CACNA2D1: variants seen among roughly 807,000 people sequenced by gnomAD.
CACNA2D1 encodes the protein calcium voltage-gated channel auxiliary subunit alpha2delta 1.
A neutral mutation model predicts 171.5 loss-of-function variants in CACNA2D1; 53 were observed. The ratio of observed to expected loss-of-function variants is 0.31; its 90% CI spans 0.25 to 0.39. The LOEUF is 0.39. Ranked by LOEUF, CACNA2D1 falls within the 10% of genes least tolerant of loss-of-function variation. The pLI is 1.00. For synonymous variants in CACNA2D1, 442 were observed against 443.1 expected, an observed-to-expected ratio of 1.00 and a Z score of 0.03; for missense variants, 903 against 1,299.8, an observed-to-expected ratio of 0.69 and a Z score of 4.69.
chr7:82,403,881 A>G (rs1026812989), intron 1 of CACNA2D1, among the ~76,000 whole-genome samples: 8 of 152,240 alleles, frequency 5.3e-5, no homozygotes, highest in Admixed American at 2.0e-4. Flanking sequence ...ATTTTTCTAC[A>G]ATGGACAAAC....
intron 3 of CACNA2D1, among the ~76,000 whole-genome samples, chr7:82,299,159 C>T (rs905636608): frequency 1.1e-4 from 16 of 150,908 alleles, no homozygotes; most frequent in African/African-American, 3.9e-4. Flanking sequence ...ATCATACAAA[C>T]ATGTTGTTAA....
At chr7:82,349,984 T>C (rs1819666964) in intron 1 of CACNA2D1, among the ~76,000 whole-genome samples, 1 of 152,198 alleles carries the variant, frequency 6.6e-6, no homozygotes, top group African/African-American at 2.4e-5. Flanking sequence ...AACTTTATCT[T>C]TTAGCTTACA....
At chr7:82,012,632 A>G (rs976173699) in intron 14 of CACNA2D1, among the ~76,000 whole-genome samples, 8 of 152,184 alleles carry the variant, frequency 5.3e-5, no homozygotes, top group Non-Finnish European at 1.2e-4. Context: ...CAGCAGCCAC[A>G]TACTTTCTTT....
At chr7:82,439,856 C>T (rs1245694929) in intron 1 of CACNA2D1, among the ~76,000 whole-genome samples, 6 of 151,732 alleles carry the variant, frequency 4.0e-5, no homozygotes, top group Non-Finnish European at 5.9e-5. Context: ...TTTTATTTTA[C>T]ATTTAATATT....
chr7:82,087,314 T>A (rs374718669), intron 6 of CACNA2D1, among the ~76,000 whole-genome samples: 1 of 152,124 alleles, frequency 6.6e-6, no homozygotes, highest in East Asian at 1.9e-4. Flanking sequence ...GCCATAGGAA[T>A]GCAAAATTAC....
chr7:82,231,593 T>A (rs139801319), intron 3 of CACNA2D1, among the ~76,000 whole-genome samples: 1 of 152,066 alleles, frequency 6.6e-6, no homozygotes, highest in Non-Finnish European at 1.5e-5. Context: ...AAAAATCACA[T>A]TGTATAGTAA....
intron 4 of CACNA2D1, among the ~76,000 whole-genome samples, chr7:82,142,649 T>C (rs1792532655): frequency 6.6e-6 from 1 of 152,224 alleles, no homozygotes; most frequent in East Asian, 1.9e-4. Flanking sequence ...ATTCTCTTTC[T>C]TGGCTATACT....
intron 3 of CACNA2D1, among the ~76,000 whole-genome samples, chr7:82,303,452 TA>T (rs573316819): frequency 9.6e-4 from 117 of 122,356 alleles, no homozygotes; most frequent in Middle Eastern, 4.1e-3. Context: ...TGTATGTAAC[TA>T]AAAAAAAAAA....
chr7:82,052,535 C>G (rs1417560221), intron 10 of CACNA2D1, among the ~76,000 whole-genome samples: 1 of 152,082 alleles, frequency 6.6e-6, no homozygotes. Context: ...AATCAATTCT[C>G]TTTACCTGTA....
chr7:82,262,683 T>G (rs144452110), intron 3 of CACNA2D1, among the ~76,000 whole-genome samples: 1 of 152,236 alleles, frequency 6.6e-6, no homozygotes, highest in African/African-American at 2.4e-5. Context: ...TTTTCTGACC[T>G]TCACCCATCC....
intron 3 of CACNA2D1, among the ~76,000 whole-genome samples, chr7:82,202,008 G>A (rs1366105076): frequency 6.6e-6 from 1 of 152,120 alleles, no homozygotes; most frequent in Non-Finnish European, 1.5e-5. Flanking sequence ...GATGGGCCAC[G>A]GTCAAGAACA....
intron 4 of CACNA2D1, among the ~76,000 whole-genome samples, chr7:82,142,026 T>A (rs887659287): frequency 3.3e-5 from 5 of 152,174 alleles, no homozygotes; most frequent in Non-Finnish European, 7.4e-5. Context: ...AACAACATCA[T>A]CTTGGAAGGT....
intron 3 of CACNA2D1, among the ~76,000 whole-genome samples, chr7:82,255,347 T>G (rs1188065890): frequency 4.6e-5 from 7 of 152,194 alleles, no homozygotes; most frequent in Admixed American, 3.9e-4. Flanking sequence ...ACAGGCTTTT[T>G]GAGGACAAGC....
chr7:82,138,548 G>A (rs2129082910), intron 4 of CACNA2D1, among the ~76,000 whole-genome samples: 1 of 149,034 alleles, frequency 6.7e-6, no homozygotes, highest in South Asian at 2.2e-4. Flanking sequence ...CTGGGTTCAC[G>A]CCATTCTCCT....
At chr7:82,090,977 T>G (rs905649279) in intron 6 of CACNA2D1, among the ~76,000 whole-genome samples, 8 of 152,146 alleles carry the variant, frequency 5.3e-5, no homozygotes, top group African/African-American at 1.9e-4. Flanking sequence ...AGCTGCATTA[T>G]CAGATAAGCT....
At chr7:82,226,333 T>A (rs1802360035) in intron 3 of CACNA2D1, among the ~76,000 whole-genome samples, 1 of 152,158 alleles carries the variant, frequency 6.6e-6, no homozygotes, top group South Asian at 2.1e-4. Context: ...TGTTTTCTTA[T>A]TTGTCCTCAC....
chr7:82,287,062 T>C (rs193018582), intron 3 of CACNA2D1, among the ~76,000 whole-genome samples: 39 of 152,340 alleles, frequency 2.6e-4, no homozygotes, highest in Admixed American at 7.2e-4. Context: ...TCATTTATTA[T>C]TAATTATCAC....
chr7:82,394,314 C>A (rs1190223464), intron 1 of CACNA2D1, among the ~76,000 whole-genome samples: 1 of 150,218 alleles, frequency 6.7e-6, no homozygotes, highest in Non-Finnish European at 1.5e-5. Context: ...AAAGAGAAAT[C>A]TAGATGAAGG....
intron 3 of CACNA2D1, among the ~76,000 whole-genome samples, chr7:82,311,110 A>C (rs1408120212): frequency 6.6e-6 from 1 of 152,154 alleles, no homozygotes; most frequent in Non-Finnish European, 1.5e-5. Flanking sequence ...CTGATGTGTT[A>C]AATTTCTGTA....
Sources: gnomAD v4.1 joint callset for allele counts (sites outside exome capture counted in the v4.1 genomes callset) on GRCh38, gnomAD v4.1.1 for gene constraint, MANE v1.5 for transcripts, NCBI Gene and HGNC (gene_info 2026-07-23, HGNC 2026-07-21) for gene names.